Variants in COL6A6 observed in about 807,000 individuals in gnomAD.
The protein encoded by COL6A6 is collagen alpha-6(VI) chain.
COL6A6 carries 183 observed loss-of-function variants against 208.6 expected under a neutral mutation model. The ratio of observed to expected loss-of-function variants is 0.88; its 90% CI spans 0.78 to 0.99. COL6A6 has a LOEUF of 0.99. Among genes scored for constraint, COL6A6 ranks in the 50% least tolerant of loss-of-function variants. COL6A6 has a pLI of 0.00. For synonymous variants in COL6A6, 973 were observed against 1,011.8 expected (o/e 0.96, Z 0.73); for missense variants, 2,816 against 2,815.2 (o/e 1.00, Z -0.01).
chr3:130,644,556 A>G (rs1301824893), intron 31 of COL6A6, among the ~76,000 whole-genome samples: 1 of 152,236 alleles, frequency 6.6e-6, no homozygotes, highest in Non-Finnish European at 1.5e-5. Context: ...TATAGTATAC[A>G]CATATATACT....
intron 1 of COL6A6, among the ~76,000 whole-genome samples, chr3:130,542,659 C>A (rs573166426): frequency 6.6e-6 from 1 of 152,234 alleles, no homozygotes; most frequent in East Asian, 1.9e-4. Context: ...TCATCTGTTT[C>A]TCTTCACAGT....
At chr3:130,517,514 T>C (rs1391903218) in intron 1 of COL6A6, among the ~76,000 whole-genome samples, 117 bp downstream of exon 1, 2 of 152,236 alleles carry the variant, frequency 1.3e-5, no homozygotes, top group Admixed American at 1.3e-4. Context: ...AAGACTGCGG[T>C]GGAGGGAAAT....
intron 1 of COL6A6, among the ~76,000 whole-genome samples, chr3:130,523,920 G>A (rs191631641): frequency 6.0e-4 from 92 of 152,276 alleles, no homozygotes; most frequent in Admixed American, 1.3e-3. Context: ...CTGGGTTAAT[G>A]CCATGAATCC....
Position 130,563,113 on chromosome 3 carries a change from G to T in COL6A6, c.110G>T (p.Arg37Leu), listed in dbSNP as rs758140095. ...GTGTTTTTGGTGGACAGCTCTGATCGCCTGGGATCCAAGTCCTTCCCATTT... is the reference window on the plus strand; with the variant it reads ...GTGTTTTTGGTGGACAGCTCTGATCTCCTGGGATCCAAGTCCTTCCCATTT... ...DVVFLVDSSDRLGSKSFPFVK... is the reference protein window; with the variant it reads ...DVVFLVDSSDLLGSKSFPFVK... The change falls in exon 3 of 37, where the codon CGC (arginine) becomes CTC (leucine). Residue 37 changes from arginine (R) to leucine (L), a missense_variant. Transcript: ENST00000358511. 20 of 1,613,734 alleles carry T rather than the reference G, an allele frequency of 1.2e-5. No homozygotes were observed. The highest frequency in any genetic ancestry group is 1.6e-5 in the Non-Finnish European group (19 of 1,179,828).
At chr3:130,608,763 C>CCTTTTTTTTTTTTTTTTTTTTTTTT in intron 21 of COL6A6, 139 bp from the exon 22 acceptor site, 1 of 308,646 alleles carries the variant, frequency 3.2e-6, no homozygotes, top group South Asian at 3.6e-5. Context: ...TATTTTTCAC[C>CCTTTTTTTTTTTTTTTTTTTTTTTT]TTTTTTTTTT....
chr3:130,591,015 T>C (rs1235599713), intron 12 of COL6A6, 26 bp from the exon 13 acceptor site: 2 of 1,550,598 alleles, frequency 1.3e-6, no homozygotes, highest in Non-Finnish European at 8.8e-7. Flanking sequence ...TAGATGCAAA[T>C]GTTTTCTTCC....
chr3:130,555,594 C>T (rs931555753), intron 1 of COL6A6, among the ~76,000 whole-genome samples: 1 of 152,110 alleles, frequency 6.6e-6, no homozygotes, highest in Non-Finnish European at 1.5e-5. Context: ...TTTCCTTTTC[C>T]TAATTTTAAA....
chr3:130,641,438 C>A (rs549147223), intron 28 of COL6A6, among the ~76,000 whole-genome samples: 13 of 151,970 alleles, frequency 8.6e-5, no homozygotes, highest in African/African-American at 2.7e-4. Context: ...GAAAAGACAT[C>A]AAAATGTTAA....
At position 130,606,914 on chromosome 3, in the gene COL6A6, C is replaced by T. The variant is rs375695689; in HGVS notation, c.4654-17C>T. The T allele has an allele frequency of 1.6e-5, 26 of 1,600,836 alleles. No individual in the cohort carries two copies. In the African/African-American group the frequency reaches 3.4e-4, roughly 21 times the overall value. On this transcript the variant is annotated splice_polypyrimidine_tract_variant and intron_variant, in intron 20 of 36. Coordinates refer to ENST00000358511, the MANE Select transcript of COL6A6 (RefSeq NM_001102608.3). Reference sequence around the variant, plus strand: ...TTTTTTCTGAATTAATGATATCCACCTTTTCTTCTATTTTAGGCAGCTCAT... The same window carrying T: ...TTTTTTCTGAATTAATGATATCCACTTTTTCTTCTATTTTAGGCAGCTCAT...
At position 130,635,796 on chromosome 3, in the gene COL6A6, A is replaced by G. The variant is rs762053822; in HGVS notation, c.5091+35A>G. ...TTAGATTCCAATTGCTGACAACCTC[A>G]CTACATTGGGAAGTCCTCCTTTGTG... is the stretch of plus-strand genomic sequence containing the variant. On this transcript the variant is annotated intron_variant, in intron 28 of 36. Transcript: ENST00000358511. The G allele has an allele frequency of 1.5e-5, 22 of 1,484,426 alleles. No individual in the cohort carries two copies. In the East Asian group the frequency reaches 5.0e-4, roughly 34 times the overall value. The allele number at this position is 1,484,426 out of a possible 1,614,324, so 92.0% of individuals were successfully genotyped here.
chr3:130,634,242 T>TA (rs202193097), intron 26 of COL6A6, among the ~76,000 whole-genome samples: 253 of 23,802 alleles, frequency 0.011, 53 homozygotes, highest in African/African-American at 0.1. Flanking sequence ...AATAAATAAA[T>TA]AAAAAAAAAA....
chr3:130,646,359 G>C (rs774744303), intron 32 of COL6A6: 1 of 152,280 alleles, frequency 6.6e-6, no homozygotes, highest in Non-Finnish European at 1.5e-5. Flanking sequence ...CAGATCACGA[G>C]GTCAGGAGTT....
intron 33 of COL6A6, among the ~76,000 whole-genome samples, chr3:130,654,734 T>C (rs2108430634): frequency 6.6e-6 from 1 of 152,276 alleles, no homozygotes; most frequent in East Asian, 1.9e-4. Context: ...AGATGGGGAA[T>C]TGCAGTAGAG....
intron 26 of COL6A6, among the ~76,000 whole-genome samples, chr3:130,631,319 G>A (rs1318219636): frequency 5.6e-5 from 6 of 107,904 alleles, no homozygotes; most frequent in Middle Eastern, 4.0e-3. Context: ...TACATTCCTC[G>A]ACACATACAC....
rs375854230 is a variant in COL6A6 at position 130,564,993 on chromosome 3, G to A, written c.662-1G>A. ...GTGCTTGTTTATTTCTTGCCACACAGCTTGCCAAGGCCCTTCTATGGCCGA... is the reference window on the plus strand; with the variant it reads ...GTGCTTGTTTATTTCTTGCCACACAACTTGCCAAGGCCCTTCTATGGCCGA... On this transcript the variant is annotated splice_acceptor_variant, in intron 3 of 36. Transcript: ENST00000358511. LOFTEE classifies it high-confidence loss of function. 1.9e-5 allele frequency: 30 copies of A among 1,611,006 alleles called. No individual in the cohort carries two copies. The highest frequency in any genetic ancestry group is 2.3e-5 in the Non-Finnish European group (27 of 1,178,086).
At position 130,581,654 on chromosome 3, in the gene COL6A6, T is replaced by C. The variant is rs2063425078; in HGVS notation, c.3641T>C (p.Leu1214Pro). Residue 1214 changes from leucine (L) to proline (P), a missense_variant, in exon 9 of 37, where the codon CTT becomes CCT. Coordinates refer to ENST00000358511, the MANE Select transcript of COL6A6 (RefSeq NM_001102608.3). ...LEGQPWMETY[L>P]QDILRAISSL... ...GGTCAGCCTTGGATGGAAACCTACCTTCAAGACATCTTACGTGCCATCAGC... is the reference window on the plus strand; with the variant it reads ...GGTCAGCCTTGGATGGAAACCTACCCTCAAGACATCTTACGTGCCATCAGC... The C allele has an allele frequency of 6.2e-7, 1 of 1,613,894 alleles. No homozygotes were observed.
intron 23 of COL6A6, 107 bp downstream of exon 23, chr3:130,610,818 G>A (rs1461487448): frequency 2.2e-5 from 17 of 771,554 alleles, no homozygotes; most frequent in Middle Eastern, 2.3e-4. Context: ...AACCAGGAAC[G>A]TGTATTAGGT....
Position 130,561,634 on chromosome 3 carries a change from CTTTTTTTTTT to C in COL6A6, c.64+1226_64+1235del, listed in dbSNP as rs398052265. 5.3e-3 allele frequency among the ~76,000 whole-genome samples: 400 copies of C among 75,980 alleles called. 2 individuals carry two copies. Among genetic ancestry groups the C allele is most frequent in the South Asian group, 6.4e-3 (12 of 1,862 alleles). The allele number at this position is 75,980 out of a possible 152,430, so 49.8% of individuals were successfully genotyped here. ...CTTAGATGTTTTCTAGTTGAATCTA[CTTTTTTTTTT>C]TTTTTTTTTTTTTTTTTTTGAGACG... On this transcript the variant is annotated intron_variant, in intron 2 of 36. Transcript: ENST00000358511.
chr3:130,658,920 A>T, intron 34 of COL6A6, 148 bp downstream of exon 34: 2 of 617,006 alleles, frequency 3.2e-6, no homozygotes, highest in Non-Finnish European at 5.8e-6. Context: ...GTCACACTTC[A>T]TCTTCCACAG....
Sources: gnomAD v4.1 joint callset for allele counts (sites outside exome capture counted in the v4.1 genomes callset) on GRCh38, gnomAD v4.1.1 for gene constraint, MANE v1.5 for transcripts, NCBI Gene and HGNC (gene_info 2026-07-23, HGNC 2026-07-21) for gene names.